Variants in TAFA2 observed in about 807,000 individuals in gnomAD.
The protein encoded by TAFA2 is TAFA chemokine like family member 2, also known as chemokine-like protein TAFA-2.
A neutral mutation model predicts 18.8 loss-of-function variants in TAFA2; 7 were observed. The observed-to-expected ratio is 0.37, with a 90% CI of 0.21 to 0.70. The LOEUF is 0.70. TAFA2 is among the 30% of genes least tolerant of loss of function. The pLI, the probability that TAFA2 is intolerant of heterozygous loss-of-function variation, is 0.53. For synonymous variants in TAFA2, 60 were observed against 54.2 expected, an observed-to-expected ratio of 1.11 and a Z score of -0.47; for missense variants, 122 against 158.1, an observed-to-expected ratio of 0.77 and a Z score of 1.23.
intron 4 of TAFA2, among the ~76,000 whole-genome samples, chr12:61,751,644 A>G (rs1869020719): frequency 6.6e-6 from 1 of 152,056 alleles, no homozygotes; most frequent in Non-Finnish European, 1.5e-5. Context: ...GAGATTAAAG[A>G]AAAATAGAAA....
At chr12:61,845,976 G>T (rs943066324) in intron 2 of TAFA2, among the ~76,000 whole-genome samples, 3 of 152,064 alleles carry the variant, frequency 2.0e-5, no homozygotes, top group African/African-American at 7.2e-5. Flanking sequence ...TTTAGCCACA[G>T]AATTCATTTT....
At chr12:61,941,724 C>G (rs568503538) in intron 1 of TAFA2, among the ~76,000 whole-genome samples, 4 of 152,180 alleles carry the variant, frequency 2.6e-5, no homozygotes, top group Non-Finnish European at 5.9e-5. Flanking sequence ...CACTCCCACC[C>G]GAATATTGCG....
intron 1 of TAFA2, among the ~76,000 whole-genome samples, chr12:61,948,363 G>T (rs575793742): frequency 1.3e-5 from 2 of 152,214 alleles, no homozygotes; most frequent in Admixed American, 6.5e-5. Flanking sequence ...TGACCTTAAT[G>T]CAAAGGGATT....
chr12:61,896,971 A>T (rs922367699), intron 1 of TAFA2, among the ~76,000 whole-genome samples: 1 of 152,204 alleles, frequency 6.6e-6, no homozygotes, highest in African/African-American at 2.4e-5. Flanking sequence ...TTGAGGGTCC[A>T]GATGATCTCA....
At chr12:61,976,516 T>G (rs961049236) in intron 1 of TAFA2, among the ~76,000 whole-genome samples, 14 of 151,844 alleles carry the variant, frequency 9.2e-5, no homozygotes, top group Admixed American at 2.6e-4. Context: ...CAATCAGCAA[T>G]GTTTATTATA....
At chr12:61,730,031 G>T (rs1870366694) in intron 4 of TAFA2, among the ~76,000 whole-genome samples, 1 of 152,106 alleles carries the variant, frequency 6.6e-6, no homozygotes, top group African/African-American at 2.4e-5. Context: ...ACTGCGCTCT[G>T]GACCAGTATT....
At chr12:62,029,563 G>A (rs1881396180) in intron 1 of TAFA2, among the ~76,000 whole-genome samples, 1 of 151,984 alleles carries the variant, frequency 6.6e-6, no homozygotes, top group Admixed American at 6.6e-5. Context: ...CTAAGTATCA[G>A]AAAATATGGC....
At chr12:62,085,921 T>G (rs1436637079) in intron 1 of TAFA2, among the ~76,000 whole-genome samples, 1 of 152,022 alleles carries the variant, frequency 6.6e-6, no homozygotes, top group Non-Finnish European at 1.5e-5. Flanking sequence ...TCTCATGAGA[T>G]CTGATGGTTT....
intron 1 of TAFA2, among the ~76,000 whole-genome samples, chr12:62,243,225 T>C (rs754911320): frequency 6.6e-6 from 1 of 152,216 alleles, no homozygotes; most frequent in African/African-American, 2.4e-5. Context: ...AATGTTTGAA[T>C]GTCAGGCTGC....
At chr12:62,152,204 A>T (rs903711636) in intron 1 of TAFA2, among the ~76,000 whole-genome samples, 1 of 152,226 alleles carries the variant, frequency 6.6e-6, no homozygotes. Context: ...TTACATTCAC[A>T]TTCTCAGATA....
intron 1 of TAFA2, among the ~76,000 whole-genome samples, chr12:61,995,330 T>C (rs1403644004): frequency 1.3e-5 from 2 of 152,220 alleles, no homozygotes; most frequent in Non-Finnish European, 2.9e-5. Flanking sequence ...CATCTCCACA[T>C]GACTAGTTCC....
chr12:62,116,387 C>T (rs1176307297), intron 1 of TAFA2, among the ~76,000 whole-genome samples: 1 of 152,206 alleles, frequency 6.6e-6, no homozygotes, highest in Non-Finnish European at 1.5e-5. Context: ...CAATCATTAT[C>T]ACAACGACAG....
At chr12:62,062,150 G>C (rs1371553451) in intron 1 of TAFA2, among the ~76,000 whole-genome samples, 1 of 151,938 alleles carries the variant, frequency 6.6e-6, no homozygotes, top group African/African-American at 2.4e-5. Context: ...CTCCAGCCTG[G>C]ATGACAGAGC....
At chr12:62,042,428 T>TGTGTGC (rs1411586257) in intron 1 of TAFA2, among the ~76,000 whole-genome samples, 2 of 74,386 alleles carry the variant, frequency 2.7e-5, no homozygotes, top group African/African-American at 9.1e-5. Context: ...TGTGTGTGTG[T>TGTGTGC]GCGCGTGTGT....
At chr12:61,836,923 A>C (rs1872957496) in intron 2 of TAFA2, among the ~76,000 whole-genome samples, 1 of 151,272 alleles carries the variant, frequency 6.6e-6, no homozygotes, top group Admixed American at 6.6e-5. Flanking sequence ...TTAACATATG[A>C]AGGCTATTAT....
In TAFA2 at chr12:62,179,295, CAGAA is replaced by C. The variant is rs1346535409; in HGVS notation, c.-2+11960_-2+11963del. 6.6e-5 allele frequency among the ~76,000 whole-genome samples: 10 copies of C among 152,210 alleles called. No individual in the cohort carries two copies. In the South Asian group the frequency reaches 1.7e-3, roughly 25 times the overall value. Reference sequence around the variant, plus strand: ...TTTCACATTCTAGGGAGGAAGTCGACAGAAAGGACAATGACCAAGATGTGTTCAA... The same window carrying C: ...TTTCACATTCTAGGGAGGAAGTCGACAGGACAATGACCAAGATGTGTTCAA... On this transcript the variant is annotated intron_variant, in intron 1 of 4. Coordinates refer to ENST00000416284, the MANE Select transcript of TAFA2 (RefSeq NM_178539.5).
chr12:61,749,197 C>A (rs1868888474), intron 4 of TAFA2, among the ~76,000 whole-genome samples: 2 of 151,876 alleles, frequency 1.3e-5, no homozygotes, highest in Non-Finnish European at 2.9e-5. Flanking sequence ...CGCTTGAACT[C>A]AAGAGGTGGA....
chr12:62,019,208 C>T lies in TAFA2; in HGVS notation c.-1-151782G>A, dbSNP rs1042380167. Among the ~76,000 whole-genome samples the T allele has an allele frequency of 9.2e-5, 14 of 152,168 alleles. No individual in the cohort carries two copies. In the South Asian group the frequency reaches 1.0e-3, roughly 11 times the overall value. On this transcript the variant is annotated intron_variant, in intron 1 of 4. Coordinates refer to ENST00000416284, the MANE Select transcript of TAFA2 (RefSeq NM_178539.5). Reference sequence around the variant, plus strand: ...TGGAGAGGATGTGGAGAAATAGGAACACTTTTACACTGTTGGTGGGACTGT... The same window carrying T: ...TGGAGAGGATGTGGAGAAATAGGAATACTTTTACACTGTTGGTGGGACTGT...
intron 2 of TAFA2, among the ~76,000 whole-genome samples, chr12:61,835,733 C>T (rs1338013300): frequency 2.0e-5 from 3 of 151,780 alleles, no homozygotes; most frequent in Admixed American, 6.6e-5. Context: ...ATACATAGGT[C>T]GAATTTTTCC....
Sources: gnomAD v4.1 joint callset for allele counts (sites outside exome capture counted in the v4.1 genomes callset) on GRCh38, gnomAD v4.1.1 for gene constraint, MANE v1.5 for transcripts, NCBI Gene and HGNC (gene_info 2026-07-23, HGNC 2026-07-21) for gene names.